The following CNGB3 variants were observed in gnomAD, a reference collection of about 807,000 sequenced individuals.
CNGB3 encodes the protein cyclic nucleotide gated channel subunit beta 3, also known as cyclic nucleotide-gated channel beta-3.
CNGB3 carries 86 observed loss-of-function variants against 92.8 expected under a neutral mutation model. The observed-to-expected ratio is 0.93, with a 90% CI of 0.78 to 1.11. The LOEUF (loss-of-function observed/expected upper bound fraction) is 1.11, where lower values mean the gene tolerates loss of function less well. Among genes scored for constraint, CNGB3 ranks in the 50% least tolerant of loss-of-function variants. The probability of loss-of-function intolerance (pLI) is 0.00; values close to 1 mark genes in which losing one functional copy is unlikely to be tolerated. For synonymous variants in CNGB3, 333 were observed against 332.7 expected, an observed-to-expected ratio of 1.00 and a Z score of -0.01; for missense variants, 1,026 against 956.8, an observed-to-expected ratio of 1.07 and a Z score of -0.95.
At chr8:86,619,189 G>C (rs1345750684) in intron 13 of CNGB3, among the ~76,000 whole-genome samples, 3 of 152,210 alleles carry the variant, frequency 2.0e-5, no homozygotes, top group African/African-American at 4.8e-5. Context: ...GCCACTAGGT[G>C]GCGCAACAGA....
At chr8:86,621,673 T>C (rs1233371542) in intron 13 of CNGB3, among the ~76,000 whole-genome samples, 1 of 152,156 alleles carries the variant, frequency 6.6e-6, no homozygotes, top group African/African-American at 2.4e-5. Flanking sequence ...AAGTCCATTA[T>C]ATTATTCTTA....
chr8:86,742,692 T>G (rs1197528969), intron 1 of CNGB3, among the ~76,000 whole-genome samples: 1 of 152,310 alleles, frequency 6.6e-6, no homozygotes, highest in South Asian at 2.1e-4. Context: ...TAGTTCTAAG[T>G]AAATATTGCT....
intron 6 of CNGB3, chr8:86,659,657 A>C (rs1421704183): frequency 2.1e-6 from 1 of 466,538 alleles, no homozygotes; most frequent in Non-Finnish European, 4.2e-6. Flanking sequence ...AGATCCTTTG[A>C]CTCTCCTTCA....
At chr8:86,688,996 AT>A (rs1181725489) in intron 3 of CNGB3, among the ~76,000 whole-genome samples, 1 of 143,560 alleles carries the variant, frequency 7.0e-6, no homozygotes, top group African/African-American at 2.6e-5. Flanking sequence ...TGTTTCTATT[AT>A]TTGCTTCAAG....
chr8:86,575,334 T>C lies in CNGB3; in HGVS notation c.*470A>G, dbSNP rs1455234594. 1 of 152,734 alleles carries C rather than the reference T, an allele frequency of 6.5e-6. No homozygotes were observed. The allele number at this position is 152,734 out of a possible 1,614,324, so 9.5% of individuals were successfully genotyped here. ...CTCATTTGAATGAAAATAATCTGATTTTTGACCTATTACATTAAAATCTTA... is the reference window on the plus strand; with the variant it reads ...CTCATTTGAATGAAAATAATCTGATCTTTGACCTATTACATTAAAATCTTA... On this transcript the variant is annotated 3_prime_UTR_variant, in exon 18 of 18. Coordinates refer to ENST00000320005, the MANE Select transcript of CNGB3 (RefSeq NM_019098.5).
intron 13 of CNGB3, among the ~76,000 whole-genome samples, chr8:86,622,001 G>A (rs980273955): frequency 3.3e-5 from 5 of 152,154 alleles, no homozygotes; most frequent in Non-Finnish European, 7.4e-5. Flanking sequence ...AGCCGAGATT[G>A]TGCCACTGCA....
intron 3 of CNGB3, among the ~76,000 whole-genome samples, chr8:86,715,412 G>T (rs1824833110): frequency 6.6e-6 from 1 of 152,026 alleles, no homozygotes; most frequent in Non-Finnish European, 1.5e-5. Flanking sequence ...AAGTCCTGTA[G>T]CTCCACTGGG....
At chr8:86,604,586 C>G (rs1011657116) in intron 14 of CNGB3, among the ~76,000 whole-genome samples, 3 of 152,110 alleles carry the variant, frequency 2.0e-5, no homozygotes, top group African/African-American at 7.2e-5. Flanking sequence ...TTGGTCTAGC[C>G]AAAGAGCATA....
chr8:86,702,840 C>T (rs1286500955), intron 3 of CNGB3, among the ~76,000 whole-genome samples: 3 of 151,510 alleles, frequency 2.0e-5, no homozygotes, highest in African/African-American at 4.8e-5. Flanking sequence ...GTATTTTCTC[C>T]GTTTTTCATG....
chr8:86,626,112 G>T, intron 12 of CNGB3, 32 bp from the exon 13 acceptor site: 1 of 1,503,140 alleles, frequency 6.7e-7, no homozygotes, highest in Non-Finnish European at 9.3e-7. Flanking sequence ...AAACCCCGAT[G>T]CAGAATAATT....
intron 14 of CNGB3, among the ~76,000 whole-genome samples, chr8:86,606,044 G>A (rs949404654): frequency 5.9e-5 from 9 of 151,964 alleles, no homozygotes; most frequent in Admixed American, 2.6e-4. Context: ...AATTAGAAGC[G>A]AAGGAAGCCT....
At chr8:86,659,677 G>A in intron 6 of CNGB3, 1 of 436,442 alleles carries the variant, frequency 2.3e-6, no homozygotes, top group Non-Finnish European at 4.5e-6. Flanking sequence ...AAACTGCCTG[G>A]CAGCATGCTG....
At position 86,739,718 on chromosome 8, in the gene CNGB3, C is replaced by T. The variant is rs1383352007; in HGVS notation, c.148G>A (p.Glu50Lys). The change falls in exon 2 of 18, where the codon GAG (glutamate) becomes AAG (lysine). Residue 50 changes from glutamate (E) to lysine (K), a missense_variant. Physicochemically the swap from Glu to Lys is moderately conservative, Grantham distance 56. Transcript: ENST00000320005. ...GTTGACTTGGTTTTGAGAGATTTCTCTTCACCTTTGTTTTCTTCCTTTGAG... is the reference window on the plus strand; with the variant it reads ...GTTGACTTGGTTTTGAGAGATTTCTTTTCACCTTTGTTTTCTTCCTTTGAG... ...TTAQEENKGE[E>K]KSLKTKSTPV... 6.2e-7 allele frequency: 1 copy of T among 1,604,224 alleles called. No individual in the cohort carries two copies. Among genetic ancestry groups the T allele is most frequent in the Admixed American group, 1.7e-5 (1 of 58,924 alleles).
intron 3 of CNGB3, among the ~76,000 whole-genome samples, chr8:86,698,761 G>A (rs1824496737): frequency 1.3e-5 from 2 of 152,126 alleles, no homozygotes; most frequent in Admixed American, 6.6e-5. Context: ...ACGTGAGAGA[G>A]GTGAAGGTTT....
intron 3 of CNGB3, among the ~76,000 whole-genome samples, chr8:86,718,272 G>T (rs1824902036): frequency 6.6e-6 from 1 of 152,086 alleles, no homozygotes; most frequent in East Asian, 1.9e-4. Context: ...GAACATTAGT[G>T]AGATGAACCA....
At chr8:86,725,702 T>C (rs1476677408) in intron 3 of CNGB3, among the ~76,000 whole-genome samples, 1 of 152,152 alleles carries the variant, frequency 6.6e-6, no homozygotes, top group Non-Finnish European at 1.5e-5. Context: ...TAACAGCAGA[T>C]GGTTTAACAC....
chr8:86,659,627 A>T, intron 6 of CNGB3: 1 of 523,146 alleles, frequency 1.9e-6, no homozygotes, highest in Non-Finnish European at 3.8e-6. Flanking sequence ...ACGCGCCAGG[A>T]ATACTGCAGG....
intron 2 of CNGB3, among the ~76,000 whole-genome samples, chr8:86,733,160 T>C (rs1825187640): frequency 6.6e-6 from 1 of 152,196 alleles, no homozygotes; most frequent in South Asian, 2.1e-4. Context: ...GTACCCAGTG[T>C]TTAGCTTACA....
intron 14 of CNGB3, among the ~76,000 whole-genome samples, chr8:86,604,748 G>T (rs1237313080): frequency 1.3e-5 from 2 of 152,128 alleles, no homozygotes; most frequent in Non-Finnish European, 2.9e-5. Flanking sequence ...CTCAGTTCTT[G>T]CCTATCTTTG....
Sources: allele counts gnomAD v4.1 joint callset (sites outside exome capture counted in the v4.1 genomes callset), GRCh38; gene constraint gnomAD v4.1.1; transcripts MANE v1.5; gene names NCBI Gene and HGNC (gene_info 2026-07-23, HGNC 2026-07-21).